The following MESD variants were observed in gnomAD, a reference collection of about 807,000 sequenced individuals.
MESD encodes LRP chaperone MESD.
Under a neutral mutation model 12.9 loss-of-function variants are expected in MESD, and 7 were observed. The ratio of observed to expected loss-of-function variants is 0.54; its 90% CI spans 0.31 to 1.02. The LOEUF (loss-of-function observed/expected upper bound fraction) is 1.02. MESD is among the 50% of genes least tolerant of loss of function. The probability of loss-of-function intolerance (pLI) is 0.05; values close to 1 mark genes in which losing one functional copy is unlikely to be tolerated. For missense variants in MESD, 342 were observed against 296.7 expected (o/e 1.15, Z -1.12); for synonymous variants, 126 against 115.6 (o/e 1.09, Z -0.58).
At chr15:80,963,461 C>T in intron 3 of MESD, among the ~76,000 whole-genome samples, 1 of 152,142 alleles carries the variant, frequency 6.6e-6, no homozygotes, top group Non-Finnish European at 1.5e-5. Context: ...AAGAGGGAAT[C>T]CTCCCTAACT....
chr15:80,962,361 A>G (rs928682215), intron 3 of MESD, among the ~76,000 whole-genome samples: 1 of 152,168 alleles, frequency 6.6e-6, no homozygotes, highest in Non-Finnish European at 1.5e-5. Flanking sequence ...GACACCTACA[A>G]AGAGACTTAG....
At chr15:80,952,067 C>A in exon 4 of MESD, 1 of 405,718 alleles carries the variant, frequency 2.5e-6, no homozygotes, top group Non-Finnish European at 5.0e-6. Context: ...CTGCGTCCTC[C>A]ACATTTCTAA....
chr15:80,958,623 G>A (rs1016556426), intron 3 of MESD, among the ~76,000 whole-genome samples: 2 of 152,014 alleles, frequency 1.3e-5, no homozygotes, highest in East Asian at 1.9e-4. Flanking sequence ...ATGAGCCACC[G>A]TGCCTGGCCT....
Position 80,960,744 on chromosome 15 carries a change from A to G in MESD, c.*289-8448T>C, listed in dbSNP as rs572284617. On this transcript the variant is annotated intron_variant, in intron 3 of 4. Coordinates refer to the MESD transcript ENST00000561312. ...GAAACGAGTTTAAAATACATATCCCAGAAAAGAAATTATTATCTTTGGGTG... is the reference window on the plus strand; with the variant it reads ...GAAACGAGTTTAAAATACATATCCCGGAAAAGAAATTATTATCTTTGGGTG... 2.0e-5 allele frequency among the ~76,000 whole-genome samples: 3 copies of G among 152,340 alleles called. No homozygotes were observed. In the South Asian group the frequency reaches 6.2e-4, roughly 32 times the overall value.
downstream of MESD, among the ~76,000 whole-genome samples, chr15:80,974,592 A>T (rs1373792025): frequency 6.8e-6 from 1 of 147,472 alleles, no homozygotes; most frequent in African/African-American, 2.5e-5. Flanking sequence ...TAAAATGTGT[A>T]TCAGAGCTAA....
chr15:80,989,552 C>G (rs1342271336), intron 1 of MESD, 27 bp downstream of exon 1: 1 of 1,605,778 alleles, frequency 6.2e-7, no homozygotes, highest in Non-Finnish European at 8.5e-7. Flanking sequence ...CAGAGAAGAG[C>G]CGGGAGGGTG....
At chr15:80,958,129 A>T (rs2141787265) in intron 3 of MESD, among the ~76,000 whole-genome samples, 1 of 152,260 alleles carries the variant, frequency 6.6e-6, no homozygotes, top group Middle Eastern at 3.4e-3. Context: ...ATTTAGGAAT[A>T]TGGCATAGCA....
rs1390455512 is a variant in MESD, at chr15:80,977,369, G to T, written c.*1850C>A. The T allele has an allele frequency of 1.3e-5, 2 of 151,998 alleles. No homozygotes were observed. The highest frequency in any genetic ancestry group is 1.5e-5 in the Non-Finnish European group (1 of 68,016). The allele number at this position is 151,998 out of a possible 1,614,324, so 9.4% of individuals were successfully genotyped here. ...ATTGAGTTTTACGATAGCAGAGGCT[G>T]TATCTACACCGTCCTGGCACCTTGT... On this transcript the variant is annotated 3_prime_UTR_variant, in exon 3 of 3. Transcript: ENST00000261758.
chr15:80,969,515 T>A (rs999920467), intron 3 of MESD, among the ~76,000 whole-genome samples: 2 of 151,912 alleles, frequency 1.3e-5, no homozygotes, highest in African/African-American at 4.8e-5. Context: ...CCAAGCAGAT[T>A]ACAGTGGCTG....
chr15:80,956,938 C>T (rs1223791652), intron 3 of MESD, among the ~76,000 whole-genome samples: 2 of 152,080 alleles, frequency 1.3e-5, no homozygotes, highest in African/African-American at 2.4e-5. Flanking sequence ...CTACCTCACC[C>T]CCTGAGTAGC....
rs1194917120 is a variant in MESD, at chr15:80,978,321, A to G, written c.*898T>C. On this transcript the variant is annotated 3_prime_UTR_variant, in exon 3 of 3. Transcript: ENST00000261758. ...CTAACTCTTATTCACAGTAGGCTCT[A>G]ACATGAACGGCAAAATCAGACATCA... 6.6e-6 allele frequency: 1 copy of G among 152,252 alleles called. No homozygotes were observed. The highest frequency in any genetic ancestry group is 1.5e-5 in the Non-Finnish European group (1 of 68,044). The allele number at this position is 152,252 out of a possible 1,614,324, so 9.4% of individuals were successfully genotyped here. A position where few individuals can be genotyped will look rare whatever the true frequency, so the allele number is the denominator to read the frequency against.
rs574199147 is a variant in MESD at position 80,979,062 on chromosome 15, A to G, written c.*157T>C. On this transcript the variant is annotated 3_prime_UTR_variant, in exon 3 of 3. Coordinates refer to ENST00000261758, the MANE Select transcript of MESD (RefSeq NM_015154.3). ...CTTACTTGAAGCCTATTAAGCAGTA[A>G]TTCTTTGACCACAAACTGGTCATGT... is the stretch of plus-strand genomic sequence containing the variant. 4.1e-6 allele frequency: 4 copies of G among 968,782 alleles called. No individual in the cohort carries two copies. The highest frequency in any genetic ancestry group is 1.6e-5 in the African/African-American group (1 of 61,174). 60.0% of individuals were successfully genotyped at this position (968,782 alleles called of 1,614,324 possible).
intron 1 of MESD, among the ~76,000 whole-genome samples, chr15:80,984,574 G>A (rs564028381): frequency 9.2e-5 from 14 of 152,324 alleles, no homozygotes; most frequent in Admixed American, 4.6e-4. Context: ...GTAGATAAGC[G>A]ATTGCCCGGG....
chr15:80,948,804 G>C, exon 5 of MESD: 1 of 1,614,190 alleles, frequency 6.2e-7, no homozygotes, highest in Non-Finnish European at 8.5e-7. Flanking sequence ...CAGAGCAAAT[G>C]GCATTCGTTG....
intron 1 of MESD, among the ~76,000 whole-genome samples, chr15:80,986,552 T>C (rs1422027318): frequency 1.3e-5 from 2 of 152,200 alleles, no homozygotes; most frequent in Non-Finnish European, 2.9e-5. Flanking sequence ...TATGTTAAAA[T>C]TGAAGTGTAA....
At chr15:80,985,639 C>CT (rs11425497) in intron 1 of MESD, among the ~76,000 whole-genome samples, 10,018 of 88,696 alleles carry the variant, frequency 0.11, 1,205 homozygotes, top group Middle Eastern at 0.18. Context: ...TCCCAAGCAG[C>CT]TTTTTTTTTT....
intron 3 of MESD, among the ~76,000 whole-genome samples, chr15:80,968,916 C>T (rs1902228530): frequency 6.6e-6 from 1 of 152,118 alleles, no homozygotes; most frequent in Non-Finnish European, 1.5e-5. Context: ...AGGTCGGGCA[C>T]AGTGGTTCAC....
At position 80,982,097 on chromosome 15, in the gene MESD, T is replaced by C. The variant is rs1431951848; in HGVS notation, c.299A>G (p.Lys100Arg). 6.2e-7 allele frequency: 1 copy of C among 1,614,192 alleles called. No homozygotes were observed. The change falls in exon 2 of 3, where the codon AAG (lysine) becomes AGG (arginine). Residue 100 changes from lysine (K) to arginine (R), a missense_variant. By Grantham distance (26) the Lys-to-Arg change is conservative. Transcript: ENST00000261758. The stretch of plus-strand genomic sequence containing the variant: ...CGTCATTTTCAATATGCTTTCAGGC[T>C]TGCTTGGGTCTATCTTTGAGAAGTC... The part of the protein sequence containing the change: ...PVDFSKIDPS[K>R]PESILKMTKK...
chr15:80,974,709 A>G (rs1419822893), downstream of MESD, among the ~76,000 whole-genome samples: 4 of 150,920 alleles, frequency 2.7e-5, no homozygotes, highest in Admixed American at 2.6e-4. Flanking sequence ...TCAATTAGAA[A>G]TTACACAGCA....
Sources: gnomAD v4.1 joint callset for allele counts (sites outside exome capture counted in the v4.1 genomes callset) on GRCh38, gnomAD v4.1.1 for gene constraint, MANE v1.5 for transcripts, NCBI Gene and HGNC (gene_info 2026-07-23, HGNC 2026-07-21) for gene names.